Variants in TACR1 observed in about 807,000 individuals in gnomAD.
The protein encoded by TACR1 is tachykinin receptor 1.
A neutral mutation model predicts 35.8 loss-of-function variants in TACR1; 25 were observed. The observed-to-expected ratio is 0.70, with a 90% CI of 0.51 to 0.98. The LOEUF (loss-of-function observed/expected upper bound fraction) is 0.98, where lower values mean the gene tolerates loss of function less well. TACR1 is among the 50% of genes least tolerant of loss of function. The pLI, the probability that TACR1 is intolerant of heterozygous loss-of-function variation, is 0.00. For synonymous variants in TACR1, 195 were observed against 206.7 expected (o/e 0.94, Z 0.48); for missense variants, 478 against 522.9 (o/e 0.91, Z 0.84).
intron 2 of TACR1, among the ~76,000 whole-genome samples, chr2:75,076,806 C>G (rs986357252): frequency 6.6e-6 from 1 of 152,060 alleles, no homozygotes; most frequent in Admixed American, 6.6e-5. Context: ...CTGAGGCCTT[C>G]GCATCTTCGG....
At chr2:75,120,796 C>G (rs755400791) in intron 1 of TACR1, 28 bp from the exon 2 acceptor site, 1 of 1,538,174 alleles carries the variant, frequency 6.5e-7, no homozygotes, top group Non-Finnish European at 8.8e-7. Flanking sequence ...GAACAAAGTT[C>G]TGATCTGGTC....
intron 1 of TACR1, chr2:75,188,210 A>AG (rs1675753626): frequency 6.6e-6 from 1 of 152,170 alleles, no homozygotes; most frequent in Non-Finnish European, 1.5e-5. Context: ...AGTTGTTTGT[A>AG]GGGTTTTCTT....
intron 1 of TACR1, chr2:75,154,401 A>AGTGCGCGCGCGCGC (rs1553380901): frequency 2.6e-5 from 2 of 76,444 alleles, no homozygotes; most frequent in African/African-American, 5.8e-5. Context: ...ATCAGCCAAG[A>AGTGCGCGCGCGCGC]GCGCGCACGC....
At chr2:75,103,865 A>G (rs553448779) in intron 2 of TACR1, among the ~76,000 whole-genome samples, 2 of 152,268 alleles carry the variant, frequency 1.3e-5, no homozygotes, top group African/African-American at 4.8e-5. Context: ...GATATTTTAC[A>G]TAAGCCTCAT....
chr2:75,129,103 T>G (rs1572946427), intron 1 of TACR1, among the ~76,000 whole-genome samples: 1 of 151,478 alleles, frequency 6.6e-6, no homozygotes, highest in East Asian at 1.9e-4. Context: ...AAGAAGAGAG[T>G]AGTTTGGATT....
chr2:75,061,235 G>A (rs1255676130), intron 2 of TACR1, among the ~76,000 whole-genome samples: 2 of 152,008 alleles, frequency 1.3e-5, no homozygotes, highest in East Asian at 3.9e-4. Flanking sequence ...AGACTCCAGG[G>A]GCGGGTACAG....
chr2:75,162,163 G>T (rs762329600), intron 1 of TACR1, among the ~76,000 whole-genome samples: 18 of 151,498 alleles, frequency 1.2e-4, no homozygotes, highest in Non-Finnish European at 1.9e-4. Context: ...GGAAGCCAAA[G>T]AATGTTCTGA....
chr2:75,081,261 G>T (rs1673080585), intron 2 of TACR1, among the ~76,000 whole-genome samples: 1 of 152,194 alleles, frequency 6.6e-6, no homozygotes, highest in Non-Finnish European at 1.5e-5. Flanking sequence ...TATTAGTGCT[G>T]CCAGGCCTAC....
At chr2:75,180,285 T>C (rs1675531841) in intron 1 of TACR1, among the ~76,000 whole-genome samples, 1 of 152,246 alleles carries the variant, frequency 6.6e-6, no homozygotes, top group Non-Finnish European at 1.5e-5. Context: ...AGGGCTCTTA[T>C]TGTTCTTTGT....
chr2:75,120,915 A>AT, intron 1 of TACR1, 147 bp from the exon 2 acceptor site: 1 of 720,560 alleles, frequency 1.4e-6, no homozygotes, highest in East Asian at 2.8e-5. Flanking sequence ...CCTTTTCCAT[A>AT]TTCTACCCTT....
chr2:75,172,927 CT>C (rs140118881), intron 1 of TACR1, among the ~76,000 whole-genome samples: 1 of 151,722 alleles, frequency 6.6e-6, no homozygotes, highest in African/African-American at 2.4e-5. Context: ...TCCAAACTTC[CT>C]TTTTTTTAAA....
At chr2:75,063,666 G>C (rs1020186666) in intron 2 of TACR1, among the ~76,000 whole-genome samples, 1 of 152,090 alleles carries the variant, frequency 6.6e-6, no homozygotes, top group Non-Finnish European at 1.5e-5. Context: ...CCTTACTGGT[G>C]TCAGCTCTGC....
chr2:75,199,053 T>A lies in TACR1; in HGVS notation c.-119A>T. ...AAGCCAGACAGGAGGGTGGAAGGCT[T>A]TTTCTGGGCAGCACTCTTTTTGAAA... On this transcript the variant is annotated 5_prime_UTR_variant, in exon 1 of 5. Transcript: ENST00000305249. 1 of 1,277,410 alleles carries A rather than the reference T, an allele frequency of 7.8e-7. No individual in the cohort carries two copies. The highest frequency in any genetic ancestry group is 2.7e-5 in the Admixed American group (1 of 37,230). The allele number at this position is 1,277,410 out of a possible 1,614,324, so 79.1% of individuals were successfully genotyped here.
chr2:75,094,596 TTGGTGGTAGTGA>T (rs1558551059), intron 2 of TACR1, among the ~76,000 whole-genome samples: 1 of 151,678 alleles, frequency 6.6e-6, no homozygotes, highest in Non-Finnish European at 1.5e-5. Flanking sequence ...AGTGGTTGCA[TTGGTGGTAGTGA>T]TGGTGGTAGT....
intron 2 of TACR1, among the ~76,000 whole-genome samples, chr2:75,094,861 T>TATATATATA (rs1558551241): frequency 3.5e-4 from 21 of 60,724 alleles, no homozygotes; most frequent in African/African-American, 1.5e-3. Context: ...ATATATATAT[T>TATATATATA]TTTTTTTTTT....
intron 2 of TACR1, among the ~76,000 whole-genome samples, chr2:75,109,142 G>C (rs1673704449): frequency 2.0e-5 from 3 of 152,154 alleles, no homozygotes; most frequent in Non-Finnish European, 4.4e-5. Flanking sequence ...TTGAGAGAAG[G>C]GGTGAGGACA....
intron 1 of TACR1, among the ~76,000 whole-genome samples, chr2:75,191,037 G>C (rs1675831370): frequency 6.6e-6 from 1 of 152,170 alleles, no homozygotes; most frequent in Admixed American, 6.5e-5. Context: ...TGATTCGTAT[G>C]TCTCCAGGTC....
chr2:75,086,716 T>C lies in TACR1; in HGVS notation c.585-32961A>G, dbSNP rs139476238. Among the ~76,000 whole-genome samples the C allele has an allele frequency of 6.6e-5, 10 of 152,268 alleles. No homozygotes were observed. In the East Asian group the frequency reaches 1.9e-3, roughly 29 times the overall value. On this transcript the variant is annotated intron_variant, in intron 2 of 4. Coordinates refer to ENST00000305249, the MANE Select transcript of TACR1 (RefSeq NM_001058.4). ...CAAAGGAATAATAAAAGGGACTAAA[T>C]TATTGCAAATGGAATCCAAAAATAA...
intron 1 of TACR1, among the ~76,000 whole-genome samples, chr2:75,121,918 A>G (rs955791888): frequency 2.0e-5 from 3 of 152,196 alleles, no homozygotes; most frequent in East Asian, 1.9e-4. Flanking sequence ...CTGGCTCCAC[A>G]TCGTTCCACA....
Sources: allele counts gnomAD v4.1 joint callset (sites outside exome capture counted in the v4.1 genomes callset), GRCh38; gene constraint gnomAD v4.1.1; transcripts MANE v1.5; gene names NCBI Gene and HGNC (gene_info 2026-07-23, HGNC 2026-07-21).